TPTE2: variants seen among roughly 807,000 people sequenced by gnomAD.
TPTE2 encodes phosphatidylinositol 3,4,5-trisphosphate 3-phosphatase TPTE2.
A neutral mutation model predicts 78.6 loss-of-function variants in TPTE2; 53 were observed. The observed-to-expected ratio is 0.67, with a 90% CI of 0.54 to 0.85. The LOEUF is 0.85. TPTE2 is among the 40% of genes least tolerant of loss of function. TPTE2 has a pLI of 0.00. For synonymous variants in TPTE2, 175 were observed against 206.2 expected, an observed-to-expected ratio of 0.85 and a Z score of 1.30; for missense variants, 461 against 623.0, an observed-to-expected ratio of 0.74 and a Z score of 2.77.
intron 13 of TPTE2, among the ~76,000 whole-genome samples, chr13:19,445,173 G>A (rs1425531026): frequency 6.6e-6 from 1 of 152,100 alleles, no homozygotes; most frequent in Non-Finnish European, 1.5e-5. Flanking sequence ...AAATCACAGA[G>A]CAGAAAAGCT....
rs371448316 is a variant in TPTE2 at position 19,535,225 on chromosome 13, ATAT to A, written c.-44+1368_-44+1370del. Among the ~76,000 whole-genome samples, 2,610 of 73,494 alleles carry A rather than the reference ATAT, an allele frequency of 0.036. 56 individuals are homozygous for A. The highest frequency in any genetic ancestry group is 0.087 in the African/African-American group (2,283 of 26,100). 48.2% of individuals were successfully genotyped at this position (73,494 alleles called of 152,430 possible). ...CTCAAAAAAACAAACAAACAAAAAAATATATATATATATATATTCTTTAGATCC... is the reference window on the plus strand; with the variant it reads ...CTCAAAAAAACAAACAAACAAAAAAAATATATATATATATTCTTTAGATCC... On this transcript the variant is annotated intron_variant, in intron 1 of 17. Coordinates refer to the TPTE2 transcript ENST00000390680. This position sits in a 1 kb window ranked among gnomAD's most constrained non-coding sequence, Gnocchi z 5.1.
chr13:19,522,976 C>G (rs147510381), intron 1 of TPTE2, among the ~76,000 whole-genome samples: 52 of 152,164 alleles, frequency 3.4e-4, no homozygotes, highest in Non-Finnish European at 5.0e-4. Context: ...TATCTATACC[C>G]CAGGTAGCCA....
the TPTE2 span, among the ~76,000 whole-genome samples, chr13:19,551,607 A>G: frequency 6.6e-6 from 1 of 151,934 alleles, no homozygotes; most frequent in African/African-American, 2.4e-5. Flanking sequence ...ACAAAATATG[A>G]ATATACAAAA....
At chr13:19,554,902 T>C in the TPTE2 span, among the ~76,000 whole-genome samples, 3 of 152,244 alleles carry the variant, frequency 2.0e-5, no homozygotes, top group African/African-American at 7.2e-5. Flanking sequence ...TAGCCTTAAC[T>C]AGCCACATTT....
intron 1 of TPTE2, among the ~76,000 whole-genome samples, chr13:19,534,058 G>C (rs528962152): frequency 2.5e-4 from 38 of 152,316 alleles, no homozygotes; most frequent in African/African-American, 8.9e-4. Flanking sequence ...TTATTAGGAA[G>C]GGAAAATATT....
chr13:19,458,612 AGAC>A (rs1566048813), intron 10 of TPTE2: 1 of 475,368 alleles, frequency 2.1e-6, no homozygotes, highest in East Asian at 5.8e-5. Context: ...CCACCTGAAG[AGAC>A]CATGGAGATT....
intron 1 of TPTE2, among the ~76,000 whole-genome samples, chr13:19,519,425 G>T (rs1376698649): frequency 1.3e-5 from 2 of 152,114 alleles, no homozygotes; most frequent in African/African-American, 4.8e-5. Flanking sequence ...CTTACATTTA[G>T]ATATTTCTTC....
intron 1 of TPTE2, among the ~76,000 whole-genome samples, chr13:19,516,069 G>C (rs1869772497): frequency 6.6e-6 from 1 of 152,194 alleles, no homozygotes; most frequent in Non-Finnish European, 1.5e-5. Context: ...CTCTAAGGAA[G>C]GTGAGAATTG....
chr13:19,489,002 G>T (rs1880822062), intron 3 of TPTE2, among the ~76,000 whole-genome samples: 1 of 152,022 alleles, frequency 6.6e-6, no homozygotes, highest in Admixed American at 6.6e-5. Flanking sequence ...TTATTAAATG[G>T]CCTACTTTCA....
upstream of TPTE2, among the ~76,000 whole-genome samples, chr13:19,505,164 G>A: frequency 6.6e-6 from 1 of 151,442 alleles, no homozygotes; most frequent in East Asian, 1.9e-4. Flanking sequence ...TTTTTTTTAG[G>A]CGGATTCTCA....
intron 10 of TPTE2, among the ~76,000 whole-genome samples, chr13:19,460,278 C>T (rs1456721914): frequency 6.6e-6 from 1 of 152,220 alleles, no homozygotes; most frequent in Non-Finnish European, 1.5e-5. Flanking sequence ...ACTGCACACT[C>T]ACTGCTTCCC....
intron 10 of TPTE2, chr13:19,458,520 C>CT (rs1163988490): frequency 1.0e-5 from 4 of 394,266 alleles, no homozygotes; most frequent in Non-Finnish European, 2.0e-5. Flanking sequence ...TCAAAATACT[C>CT]TATCAGTGTT....
intron 1 of TPTE2, among the ~76,000 whole-genome samples, chr13:19,509,442 A>G (rs1176414870): frequency 2.0e-5 from 3 of 152,188 alleles, no homozygotes; most frequent in Admixed American, 1.3e-4. Flanking sequence ...GAGCATAACT[A>G]TAACACAACT....
upstream of TPTE2, among the ~76,000 whole-genome samples, chr13:19,541,155 T>C (rs984720741): frequency 6.6e-6 from 1 of 152,222 alleles, no homozygotes; most frequent in Non-Finnish European, 1.5e-5. Context: ...CATCAGCTCC[T>C]AGTGGTCCCC....
At chr13:19,560,980 C>G in the TPTE2 span, 7 of 1,588,300 alleles carry the variant, frequency 4.4e-6, no homozygotes, top group Non-Finnish European at 6.0e-6. Flanking sequence ...CACAGGATGA[C>G]ACACCGCAGT....
intron 1 of TPTE2, among the ~76,000 whole-genome samples, chr13:19,509,656 G>A (rs1338089303): frequency 6.6e-6 from 1 of 151,860 alleles, no homozygotes; most frequent in Non-Finnish European, 1.5e-5. Context: ...GGCCCACATA[G>A]GTATTTTTCA....
intron 1 of TPTE2, among the ~76,000 whole-genome samples, chr13:19,495,011 T>C (rs1198303218): frequency 6.6e-6 from 1 of 152,012 alleles, no homozygotes; most frequent in African/African-American, 2.4e-5. Context: ...TGCATCCAGA[T>C]TAAGTAAGGG....
the TPTE2 span, among the ~76,000 whole-genome samples, chr13:19,554,283 G>T: frequency 6.6e-6 from 1 of 152,038 alleles, no homozygotes; most frequent in Non-Finnish European, 1.5e-5. Context: ...GCTGAGGCAG[G>T]AGAATGGCAT....
At chr13:19,549,530 T>G in the TPTE2 span, among the ~76,000 whole-genome samples, 17 of 151,978 alleles carry the variant, frequency 1.1e-4, no homozygotes, top group East Asian at 1.9e-4. Flanking sequence ...GCAGAGGAAT[T>G]GGAATGCTTA....
Sources: allele counts gnomAD v4.1 joint callset (sites outside exome capture counted in the v4.1 genomes callset), GRCh38; gene constraint gnomAD v4.1.1; non-coding constraint Gnocchi (gnomAD v3.1); transcripts MANE v1.5; gene names NCBI Gene and HGNC (gene_info 2026-07-23, HGNC 2026-07-21).